Variants in VIPR2 observed in about 807,000 individuals in gnomAD.
VIPR2 encodes vasoactive intestinal polypeptide receptor 2.
Under a neutral mutation model 58.0 loss-of-function variants are expected in VIPR2, and 48 were observed. The ratio of observed to expected loss-of-function variants is 0.83; its 90% CI spans 0.66 to 1.05. VIPR2 has a LOEUF of 1.05. VIPR2 is among the 50% of genes least tolerant of loss of function. VIPR2 has a pLI of 0.00. For missense variants in VIPR2, 534 were observed against 558.0 expected (o/e 0.96, Z 0.43); for synonymous variants, 243 against 235.2 (o/e 1.03, Z -0.30).
intron 4 of VIPR2, among the ~76,000 whole-genome samples, chr7:159,080,030 C>T (rs1020335086): frequency 2.6e-5 from 4 of 152,132 alleles, no homozygotes; most frequent in African/African-American, 9.7e-5. Context: ...CCAAATTCTA[C>T]CAGAGGTACA....
chr7:159,042,835 GC>G (rs1260057744), intron 6 of VIPR2, among the ~76,000 whole-genome samples, 199 bp downstream of exon 6: 1 of 152,102 alleles, frequency 6.6e-6, no homozygotes, highest in East Asian at 1.9e-4. Flanking sequence ...CACCCTCCCT[GC>G]CTCAGTGCCA....
intron 5 of VIPR2, among the ~76,000 whole-genome samples, chr7:159,049,534 C>A (rs561347120): frequency 6.6e-6 from 1 of 152,170 alleles, no homozygotes; most frequent in Non-Finnish European, 1.5e-5. Context: ...GGCAGCCTCA[C>A]CCGCCACAGC....
chr7:159,058,348 T>C (rs1855441349), intron 5 of VIPR2, 133 bp downstream of exon 5: 3 of 707,470 alleles, frequency 4.2e-6, no homozygotes, highest in Non-Finnish European at 7.5e-6. Context: ...TCATATTTAA[T>C]GGCAGCATTC....
At position 159,031,409 on chromosome 7, in the gene VIPR2, C is replaced by A. The variant is rs144091191; in HGVS notation, c.1143+419G>T. The A allele has an allele frequency of 5.1e-5, 50 of 983,128 alleles. No homozygotes were observed. In the East Asian group the frequency reaches 4.8e-3, roughly 94 times the overall value. The allele number at this position is 983,128 out of a possible 1,614,324, so 60.9% of individuals were successfully genotyped here. On this transcript the variant is annotated intron_variant, in intron 12 of 12. Coordinates refer to ENST00000262178, the MANE Select transcript of VIPR2 (RefSeq NM_003382.5). This position sits in a 1 kb window ranked among gnomAD's most constrained non-coding sequence, Gnocchi z 4.0. The stretch of plus-strand genomic sequence containing the variant: ...GGCTGGGAATGAACGCAGGGCAGAG[C>A]TCGGCTCCGGGCTTCCTCCCCAGGG...
At chr7:159,124,205 T>C (rs1034615142) in intron 2 of VIPR2, among the ~76,000 whole-genome samples, 1 of 152,238 alleles carries the variant, frequency 6.6e-6, no homozygotes, top group Non-Finnish European at 1.5e-5. Context: ...GGTGTCTTTG[T>C]TATGAAATCT....
At chr7:159,087,018 C>T (rs1261205541) in intron 4 of VIPR2, among the ~76,000 whole-genome samples, 2 of 152,150 alleles carry the variant, frequency 1.3e-5, no homozygotes, top group African/African-American at 4.8e-5. Context: ...GATACGTCTT[C>T]CCAACCAACA....
chr7:159,069,489 T>A (rs1444021831), intron 4 of VIPR2, among the ~76,000 whole-genome samples: 1 of 152,196 alleles, frequency 6.6e-6, no homozygotes, highest in Non-Finnish European at 1.5e-5. Context: ...TGGCCAGTTA[T>A]TTCCTTTTAT....
intron 2 of VIPR2, among the ~76,000 whole-genome samples, chr7:159,118,742 TG>T (rs757476914): frequency 1.1e-3 from 167 of 152,372 alleles, no homozygotes; most frequent in Admixed American, 2.4e-3. Flanking sequence ...TCTTGTACCG[TG>T]GTGATTCTTT....
chr7:159,051,919 T>C lies in VIPR2; in HGVS notation c.455+6562A>G, dbSNP rs571208873. Among the ~76,000 whole-genome samples the C allele has an allele frequency of 2.6e-4, 40 of 152,288 alleles. No homozygotes were observed. The South Asian group carries it at 3.9e-3, about 15-fold the overall frequency. ...TTTAATACATGTCTTTCAGTACTGG[T>C]AGAAAAATGTAAGTCTTTCAGTTCT... On this transcript the variant is annotated intron_variant, in intron 5 of 12. Coordinates refer to ENST00000262178, the MANE Select transcript of VIPR2 (RefSeq NM_003382.5).
chr7:159,128,927 C>G lies in VIPR2; in HGVS notation c.151+13519G>C, dbSNP rs2129497296. ...TCTGCTGCACACCAAAGCCCACCAC[C>G]CTTCAAGCTCCAGGGCAAAGCCAGC... On this transcript the variant is annotated intron_variant, in intron 2 of 12. Coordinates refer to ENST00000262178, the MANE Select transcript of VIPR2 (RefSeq NM_003382.5). This position sits in a 1 kb window ranked among gnomAD's most constrained non-coding sequence, Gnocchi z 4.1. Among the ~76,000 whole-genome samples the G allele has an allele frequency of 6.6e-6, 1 of 152,320 alleles. No individual in the cohort carries two copies. The highest frequency in any genetic ancestry group is 1.9e-4 in the East Asian group (1 of 5,176).
At chr7:159,046,278 G>C (rs1854645411) in intron 5 of VIPR2, among the ~76,000 whole-genome samples, 1 of 152,188 alleles carries the variant, frequency 6.6e-6, no homozygotes, top group Non-Finnish European at 1.5e-5. Context: ...GTTCATGGCA[G>C]CTCTATTCAC....
In VIPR2 at chr7:159,069,863, G is replaced by A. The variant is rs79219647; in HGVS notation, c.358-11285C>T. Among the ~76,000 whole-genome samples the A allele has an allele frequency of 2.5e-4, 38 of 152,288 alleles. No homozygotes were observed. The South Asian group carries it at 4.1e-3, about 17-fold the overall frequency. On this transcript the variant is annotated intron_variant, in intron 4 of 12. Coordinates refer to ENST00000262178, the MANE Select transcript of VIPR2 (RefSeq NM_003382.5). Reference sequence around the variant, plus strand: ...CATTTATTTCCTTTTGGTGCCTGATGATTTCCTGAGCTGAAGATTGGGTGT... The same window carrying A: ...CATTTATTTCCTTTTGGTGCCTGATAATTTCCTGAGCTGAAGATTGGGTGT...
At chr7:159,055,862 C>T (rs1444002467) in intron 5 of VIPR2, among the ~76,000 whole-genome samples, 1 of 152,234 alleles carries the variant, frequency 6.6e-6, no homozygotes, top group African/African-American at 2.4e-5. Context: ...TAAATTTTCA[C>T]TTCCACGTAT....
chr7:159,034,308 C>T lies in VIPR2; in HGVS notation c.880-4G>A. The stretch of plus-strand genomic sequence containing the variant: ...TAATGAAAAGGACAAAATTGACCTG[C>T]ACAAGAGATAATAAGTTTGTGAAAC... On this transcript the variant is annotated splice_region_variant and splice_polypyrimidine_tract_variant and intron_variant, in intron 9 of 12. Transcript: ENST00000262178. 1 of 1,613,352 alleles carries T rather than the reference C, an allele frequency of 6.2e-7. No homozygotes were observed. Among genetic ancestry groups the T allele is most frequent in the Admixed American group, 1.7e-5 (1 of 60,012 alleles).
At position 159,096,802 on chromosome 7, in the gene VIPR2, G is replaced by A; in HGVS notation, c.357+6955C>T. The A allele has an allele frequency of 7.0e-7, 1 of 1,431,766 alleles. No individual in the cohort carries two copies. Among genetic ancestry groups the A allele is most frequent in the Non-Finnish European group, 9.2e-7 (1 of 1,085,882 alleles). 88.7% of individuals were successfully genotyped at this position (1,431,766 alleles called of 1,614,324 possible). A position where few individuals can be genotyped will look rare whatever the true frequency, so the allele number is the denominator to read the frequency against. On this transcript the variant is annotated intron_variant, in intron 4 of 12. Coordinates refer to ENST00000262178, the MANE Select transcript of VIPR2 (RefSeq NM_003382.5). The surrounding 1 kb of genome is among the most constrained non-coding windows in gnomAD (Gnocchi z 5.5). ...TGAGGTCAGTCTCGTGGCCCCCGCA[G>A]CAGCCACAGGCCCAGCTCTTGTCCC...
At chr7:159,041,394 G>A (rs534348215) in intron 6 of VIPR2, among the ~76,000 whole-genome samples, 1 of 152,324 alleles carries the variant, frequency 6.6e-6, no homozygotes, top group African/African-American at 2.4e-5. Flanking sequence ...TCCAGGGTCC[G>A]CTGGGGTCCA....
In VIPR2 at chr7:159,128,157, G is replaced by T. The variant is rs1412680356; in HGVS notation, c.151+14289C>A. On this transcript the variant is annotated intron_variant, in intron 2 of 12. Transcript: ENST00000262178. This position sits in a 1 kb window ranked among gnomAD's most constrained non-coding sequence, Gnocchi z 4.1. ...GCCCCTGAGGGATGTGACGGGGGTG[G>T]GGGGACACCACCCCAGCTTAGTCAG... is the stretch of plus-strand genomic sequence containing the variant. 2.6e-5 allele frequency among the ~76,000 whole-genome samples: 4 copies of T among 152,104 alleles called. No homozygotes were observed. In the South Asian group the frequency reaches 8.3e-4, roughly 32 times the overall value.
At chr7:159,107,875 C>T (rs974977239) in intron 3 of VIPR2, among the ~76,000 whole-genome samples, 3 of 151,854 alleles carry the variant, frequency 2.0e-5, no homozygotes, top group African/African-American at 4.8e-5. Context: ...TGCACAGTGC[C>T]GGACACACGT....
chr7:159,090,380 C>A (rs1857407101), intron 4 of VIPR2, among the ~76,000 whole-genome samples: 1 of 73,136 alleles, frequency 1.4e-5, no homozygotes, highest in Non-Finnish European at 2.5e-5. Context: ...GTGACCATCA[C>A]AATCCCCGGT....
Sources: gnomAD v4.1 joint callset for allele counts (sites outside exome capture counted in the v4.1 genomes callset) on GRCh38, gnomAD v4.1.1 for gene constraint, Gnocchi (gnomAD v3.1) non-coding constraint, MANE v1.5 for transcripts, NCBI Gene and HGNC (gene_info 2026-07-23, HGNC 2026-07-21) for gene names.